The following SRGAP2C variants were observed in gnomAD, a reference collection of about 807,000 sequenced individuals.
The protein encoded by SRGAP2C is SLIT-ROBO Rho GTPase-activating protein 2C.
Under a neutral mutation model 25.1 loss-of-function variants are expected in SRGAP2C, and 15 were observed. The ratio of observed to expected loss-of-function variants is 0.60; its 90% CI spans 0.40 to 0.92. SRGAP2C has a LOEUF of 0.92. Among genes scored for constraint, SRGAP2C ranks in the 40% least tolerant of loss-of-function variants. The pLI is 0.00. For missense variants in SRGAP2C, 144 were observed against 264.4 expected (o/e 0.54, Z 3.16); for synonymous variants, 44 against 96.6 (o/e 0.46, Z 3.19).
chr1:121,372,035 G>A (rs1250343245), intron 5 of SRGAP2C, among the ~76,000 whole-genome samples: 1 of 152,160 alleles, frequency 6.6e-6, no homozygotes, highest in Non-Finnish European at 1.5e-5. Context: ...AACACCATTA[G>A]TTGTTAAGTA....
intron 2 of SRGAP2C, among the ~76,000 whole-genome samples, chr1:121,262,553 A>G (rs1367379090): frequency 1.0e-5 from 1 of 95,792 alleles, no homozygotes; most frequent in Non-Finnish European, 2.2e-5. Flanking sequence ...AGCACAACTC[A>G]TTTCCATTTA....
chr1:121,263,154 G>T (rs1656669102), intron 2 of SRGAP2C, among the ~76,000 whole-genome samples: 1 of 151,304 alleles, frequency 6.6e-6, no homozygotes, highest in South Asian at 2.1e-4. Context: ...AGGAGTTTGA[G>T]ACCAGCCTGG....
intron 2 of SRGAP2C, among the ~76,000 whole-genome samples, chr1:121,264,924 T>C (rs1318792039): frequency 1.7e-5 from 2 of 120,648 alleles, no homozygotes; most frequent in Non-Finnish European, 3.5e-5. Context: ...GGGCAGGGCA[T>C]GGTGGCTCAC....
intron 5 of SRGAP2C, among the ~76,000 whole-genome samples, chr1:121,368,238 CT>C (rs1437653322): frequency 2.4e-5 from 3 of 125,290 alleles, no homozygotes; most frequent in Non-Finnish European, 5.0e-5. Flanking sequence ...CCCATCTCTA[CT>C]AAAAATATAT....
intron 7 of SRGAP2C, among the ~76,000 whole-genome samples, chr1:121,377,092 T>G (rs1463498576): frequency 3.5e-5 from 5 of 143,916 alleles, no homozygotes; most frequent in Non-Finnish European, 7.7e-5. Flanking sequence ...AGGTATTTTG[T>G]ACCTTATTTT....
rs376832806 is a variant in SRGAP2C, at chr1:121,268,783, G to T, written c.68-16020G>T. ...GATGGGGTGTCAAGAGTTCAGGTTCGGGCATGTTAAGTTCTAGGTACCTGT... is the reference window on the plus strand; with the variant it reads ...GATGGGGTGTCAAGAGTTCAGGTTCTGGCATGTTAAGTTCTAGGTACCTGT... On this transcript the variant is annotated intron_variant, in intron 2 of 9. Transcript: ENST00000367123. Among the ~76,000 whole-genome samples, 6 of 75,862 alleles carry T rather than the reference G, an allele frequency of 7.9e-5. 1 individual carries two copies. The highest frequency in any genetic ancestry group is 2.2e-4 in the Non-Finnish European group (6 of 27,202). 49.8% of individuals were successfully genotyped at this position (75,862 alleles called of 152,430 possible).
chr1:121,195,264 G>T (rs1233799043), intron 2 of SRGAP2C, among the ~76,000 whole-genome samples: 1 of 152,086 alleles, frequency 6.6e-6, no homozygotes, highest in Non-Finnish European at 1.5e-5. Flanking sequence ...ACAAAAATTA[G>T]TTGGGCGTGG....
chr1:121,188,294 G>T (rs1654575583), intron 2 of SRGAP2C, among the ~76,000 whole-genome samples: 1 of 152,204 alleles, frequency 6.6e-6, no homozygotes, highest in African/African-American at 2.4e-5. Context: ...AAAATGTGAA[G>T]GGTAAAGCAA....
At chr1:121,217,122 A>T (rs1323781527) in intron 2 of SRGAP2C, among the ~76,000 whole-genome samples, 2 of 151,814 alleles carry the variant, frequency 1.3e-5, no homozygotes, top group Non-Finnish European at 2.9e-5. Flanking sequence ...CTTTGAAATC[A>T]TAGAGTTTGG....
Position 121,381,102 on chromosome 1 carries a change from GC to G in SRGAP2C, c.832-1596del, listed in dbSNP as rs1553354740. ...CAGCAGCATCTCCCAGAGAGCCCATGCCCGTGCAGCGTCCTAATGAGCCACT... is the reference window on the plus strand; with the variant it reads ...CAGCAGCATCTCCCAGAGAGCCCATGCCGTGCAGCGTCCTAATGAGCCACT... On this transcript the variant is annotated intron_variant, in intron 7 of 9. Coordinates refer to ENST00000367123, the MANE Select transcript of SRGAP2C (RefSeq NM_001329984.2). 3.3e-5 allele frequency among the ~76,000 whole-genome samples: 3 copies of G among 92,090 alleles called. 1 individual carries two copies. The highest frequency in any genetic ancestry group is 1.1e-4 in the African/African-American group (3 of 26,616). 60.4% of individuals were successfully genotyped at this position (92,090 alleles called of 152,430 possible).
intron 2 of SRGAP2C, among the ~76,000 whole-genome samples, chr1:121,273,717 A>G (rs1458992518): frequency 3.3e-5 from 5 of 151,996 alleles, no homozygotes; most frequent in African/African-American, 9.6e-5. Context: ...CAAGGAGGGA[A>G]AATATTTCAT....
In SRGAP2C at chr1:121,297,467, CT is replaced by C. The variant is rs1325625704; in HGVS notation, c.260+12473del. 4.4e-5 allele frequency among the ~76,000 whole-genome samples: 4 copies of C among 90,292 alleles called. 2 individuals carry two copies. Among genetic ancestry groups the C allele is most frequent in the African/African-American group, 1.5e-4 (4 of 26,332 alleles). 59.2% of individuals were successfully genotyped at this position (90,292 alleles called of 152,430 possible). ...TGACCTTAAGCAAGTCACTTTACCC[CT>C]GTTAGCCTCAATTTCTTACCTGTGA... On this transcript the variant is annotated intron_variant, in intron 3 of 9. Transcript: ENST00000367123.
chr1:121,271,344 T>A (rs1553335282), intron 2 of SRGAP2C, among the ~76,000 whole-genome samples: 1 of 146,452 alleles, frequency 6.8e-6, no homozygotes, highest in Non-Finnish European at 1.5e-5. Flanking sequence ...GCACCTTAGA[T>A]TGGGCAACAG....
At chr1:121,226,249 G>T (rs1423915628) in intron 2 of SRGAP2C, among the ~76,000 whole-genome samples, 2 of 92,826 alleles carry the variant, frequency 2.2e-5, no homozygotes, top group East Asian at 3.8e-4. Flanking sequence ...TAGAAGAAAA[G>T]ACTTTTTTTT....
rs1658275247 is a variant in SRGAP2C, at chr1:121,324,458, T to A, written c.261-20T>A. ...GCTGTGTATCAACAATGACTTCTTTTCCTTGATGTTTCTTCACAGGAAGGA... is the reference window on the plus strand; with the variant it reads ...GCTGTGTATCAACAATGACTTCTTTACCTTGATGTTTCTTCACAGGAAGGA... On this transcript the variant is annotated intron_variant, in intron 3 of 9. Coordinates refer to ENST00000367123, the MANE Select transcript of SRGAP2C (RefSeq NM_001329984.2). 4 of 1,609,592 alleles carry A rather than the reference T, an allele frequency of 2.5e-6. No homozygotes were observed. The South Asian group carries it at 4.4e-5, about 18-fold the overall frequency.
intron 3 of SRGAP2C, among the ~76,000 whole-genome samples, chr1:121,321,214 C>T (rs1232443409): frequency 1.4e-5 from 2 of 139,292 alleles, no homozygotes; most frequent in Non-Finnish European, 3.1e-5. Flanking sequence ...GAGGGTTGCT[C>T]ATTTGAATGG....
intron 8 of SRGAP2C, among the ~76,000 whole-genome samples, chr1:121,384,836 C>T (rs1659922934): frequency 1.3e-5 from 2 of 152,216 alleles, no homozygotes; most frequent in African/African-American, 4.8e-5. Context: ...ACATCATCAT[C>T]AGCTCTGCTA....
At chr1:121,365,832 C>T (rs1570812528) in intron 5 of SRGAP2C, among the ~76,000 whole-genome samples, 1 of 107,214 alleles carries the variant, frequency 9.3e-6, no homozygotes, top group Admixed American at 9.8e-5. Flanking sequence ...CCTAAATGCC[C>T]CCAGTAAGAG....
chr1:121,244,346 G>T (rs1159154808), intron 2 of SRGAP2C, among the ~76,000 whole-genome samples: 1 of 110,110 alleles, frequency 9.1e-6, no homozygotes, highest in African/African-American at 3.9e-5. Context: ...AGTGAACAGG[G>T]TTTTATCGTG....
Sources: gnomAD v4.1 joint callset for allele counts (sites outside exome capture counted in the v4.1 genomes callset) on GRCh38, gnomAD v4.1.1 for gene constraint, MANE v1.5 for transcripts, NCBI Gene and HGNC (gene_info 2026-07-23, HGNC 2026-07-21) for gene names.